The following PRKCE variants were observed in gnomAD, a reference collection of about 807,000 sequenced individuals.
PRKCE encodes protein kinase C epsilon.
A neutral mutation model predicts 85.4 loss-of-function variants in PRKCE; 16 were observed. The ratio of observed to expected loss-of-function variants is 0.19; its 90% CI spans 0.13 to 0.28. The LOEUF is 0.28. Among genes scored for constraint, PRKCE ranks in the 10% least tolerant of loss-of-function variants. PRKCE has a pLI of 1.00. For synonymous variants in PRKCE, 388 were observed against 371.5 expected (o/e 1.04, Z -0.51); for missense variants, 573 against 975.2 (o/e 0.59, Z 5.49).
intron 1 of PRKCE, among the ~76,000 whole-genome samples, chr2:45,779,274 C>T (rs1179794605): frequency 6.6e-6 from 1 of 152,200 alleles, no homozygotes; most frequent in African/African-American, 2.4e-5. Context: ...AGGAGAGACC[C>T]TTGCACACTG....
At chr2:46,084,995 A>T (rs1025025046) in intron 10 of PRKCE, among the ~76,000 whole-genome samples, 3 of 150,922 alleles carry the variant, frequency 2.0e-5, no homozygotes, top group Non-Finnish European at 4.4e-5. Flanking sequence ...CATGCATTCG[A>T]CTCTTATTTT....
chr2:45,843,585 C>T (rs1388670524), intron 2 of PRKCE, among the ~76,000 whole-genome samples: 2 of 152,208 alleles, frequency 1.3e-5, no homozygotes, highest in East Asian at 1.9e-4. Context: ...GATTAGATGG[C>T]GTATTACACC....
intron 10 of PRKCE, among the ~76,000 whole-genome samples, chr2:46,054,572 C>T (rs1666377712): frequency 6.6e-6 from 1 of 152,200 alleles, no homozygotes; most frequent in African/African-American, 2.4e-5. Flanking sequence ...TTTAGAATAA[C>T]TGCAACCCCA....
chr2:46,093,943 T>G (rs999419297), intron 11 of PRKCE, among the ~76,000 whole-genome samples: 4 of 152,150 alleles, frequency 2.6e-5, no homozygotes, highest in Non-Finnish European at 4.4e-5. Context: ...CTATAGTTAC[T>G]TTTCCTTCCC....
At chr2:45,761,153 T>C (rs139564101) in intron 1 of PRKCE, among the ~76,000 whole-genome samples, 5,393 of 151,814 alleles carry the variant, frequency 0.036, 134 homozygotes, top group African/African-American at 0.062. Flanking sequence ...CGGTGAAACC[T>C]CGTCTCTACT....
At chr2:46,171,682 G>A (rs149796808) in intron 14 of PRKCE, among the ~76,000 whole-genome samples, 1 of 152,324 alleles carries the variant, frequency 6.6e-6, no homozygotes, top group African/African-American at 2.4e-5. Flanking sequence ...TCTCCTCCCT[G>A]TGGAGTGGGT....
intron 1 of PRKCE, among the ~76,000 whole-genome samples, chr2:45,716,665 GAAA>G (rs1033717308): frequency 8.7e-5 from 11 of 126,962 alleles, no homozygotes; most frequent in East Asian, 2.5e-4. Flanking sequence ...AGAAGGAGAA[GAAA>G]AAGAAGAAGA....
At chr2:45,922,761 A>C (rs1698343913) in intron 2 of PRKCE, among the ~76,000 whole-genome samples, 1 of 152,160 alleles carries the variant, frequency 6.6e-6, no homozygotes, top group Non-Finnish European at 1.5e-5. Flanking sequence ...GGTTGCCTGG[A>C]GATTATCATG....
chr2:46,186,286 C>A lies in PRKCE; in HGVS notation c.*1405C>A, dbSNP rs576998364. Reference sequence around the variant, plus strand: ...TAGCAGGGAATGGAATCCATTCCAACTATTGCACGTGGATTTCCCAGCTGC... The same window carrying A: ...TAGCAGGGAATGGAATCCATTCCAAATATTGCACGTGGATTTCCCAGCTGC... On this transcript the variant is annotated 3_prime_UTR_variant, in exon 15 of 15. Transcript: ENST00000306156. 3 of 152,694 alleles carry A rather than the reference C, an allele frequency of 2.0e-5. No individual in the cohort carries two copies. The highest frequency in any genetic ancestry group is 6.5e-5 in the Admixed American group (1 of 15,288). 9.5% of individuals were successfully genotyped at this position (152,694 alleles called of 1,614,324 possible).
chr2:45,830,524 C>G (rs1375636367), intron 1 of PRKCE, among the ~76,000 whole-genome samples: 1 of 152,144 alleles, frequency 6.6e-6, no homozygotes, highest in Non-Finnish European at 1.5e-5. Context: ...ATCATTCCTA[C>G]TGGTCCAACA....
In PRKCE at chr2:45,673,058, A is replaced by G. The variant is rs1056328687; in HGVS notation, c.348+20610A>G. Among the ~76,000 whole-genome samples, 14 of 152,224 alleles carry G rather than the reference A, an allele frequency of 9.2e-5. 2 individuals are homozygous for G. The East Asian group carries it at 1.9e-3, about 21-fold the overall frequency. ...TCTAATAAAAACAAACAAACAAACC[A>G]AAAACCACAGTGAGAGATTTTTTTT... is the stretch of plus-strand genomic sequence containing the variant. On this transcript the variant is annotated intron_variant, in intron 1 of 14. Coordinates refer to ENST00000306156, the MANE Select transcript of PRKCE (RefSeq NM_005400.3).
intron 2 of PRKCE, among the ~76,000 whole-genome samples, chr2:45,974,438 G>A (rs1469935372): frequency 6.6e-6 from 1 of 152,176 alleles, no homozygotes; most frequent in Non-Finnish European, 1.5e-5. Flanking sequence ...TGGGCTAGGG[G>A]TCAAGAAGCA....
At chr2:46,064,257 G>C (rs1178065185) in intron 10 of PRKCE, among the ~76,000 whole-genome samples, 1 of 148,686 alleles carries the variant, frequency 6.7e-6, no homozygotes, top group Non-Finnish European at 1.5e-5. Flanking sequence ...ATTCCACCTG[G>C]GTGACAGAGT....
intron 11 of PRKCE, among the ~76,000 whole-genome samples, chr2:46,104,985 C>T (rs1297789800): frequency 6.6e-6 from 1 of 151,878 alleles, no homozygotes; most frequent in African/African-American, 2.4e-5. Flanking sequence ...TGGTTCTCTT[C>T]CTTACTAATA....
At chr2:45,701,828 C>T (rs1266571234) in intron 1 of PRKCE, among the ~76,000 whole-genome samples, 2 of 152,150 alleles carry the variant, frequency 1.3e-5, no homozygotes, top group African/African-American at 4.8e-5. Context: ...CTTAGAGACA[C>T]CGACGAGTCT....
At chr2:45,974,045 A>G (rs1868391) in intron 2 of PRKCE, among the ~76,000 whole-genome samples, 123,698 of 152,192 alleles carry the variant, frequency 0.81, 50,861 homozygotes, top group East Asian at 0.97. Context: ...CCTGTGTCCT[A>G]TGATGCCCAG....
Position 45,677,682 on chromosome 2 carries a change from A to G in PRKCE, c.348+25234A>G, listed in dbSNP as rs115258064. 3.5e-3 allele frequency: 580 copies of G among 167,492 alleles called. 8 individuals carry two copies. The highest frequency in any genetic ancestry group is 0.012 in the African/African-American group (506 of 41,790). 10.4% of individuals were successfully genotyped at this position (167,492 alleles called of 1,614,324 possible). On this transcript the variant is annotated intron_variant, in intron 1 of 14. Coordinates refer to ENST00000306156, the MANE Select transcript of PRKCE (RefSeq NM_005400.3). The stretch of plus-strand genomic sequence containing the variant: ...GATTCAAATTGTATCACCCTGTGGG[A>G]TGGACTAGACATGGATTAGAACATT...
intron 2 of PRKCE, among the ~76,000 whole-genome samples, chr2:45,956,072 C>A (rs1700956392): frequency 6.6e-6 from 1 of 152,094 alleles, no homozygotes; most frequent in African/African-American, 2.4e-5. Flanking sequence ...ATATGTGTAG[C>A]CTTTTGAGTT....
In PRKCE at chr2:45,981,323, G is replaced by A. The variant is rs369419740; in HGVS notation, c.693+942G>A. 6.4e-4 allele frequency among the ~76,000 whole-genome samples: 97 copies of A among 152,286 alleles called. 1 individual carries two copies. Among genetic ancestry groups the A allele is most frequent in the African/African-American group, 2.3e-3 (95 of 41,554 alleles). On this transcript the variant is annotated intron_variant, in intron 5 of 14. Transcript: ENST00000306156. ...TGTAGTCATAGGCTATTAGAATCGCGGGTTAGAGAGAAAGGCCTTGGGTAG... is the reference window on the plus strand; with the variant it reads ...TGTAGTCATAGGCTATTAGAATCGCAGGTTAGAGAGAAAGGCCTTGGGTAG...
Sources: gnomAD v4.1 joint callset for allele counts (sites outside exome capture counted in the v4.1 genomes callset) on GRCh38, gnomAD v4.1.1 for gene constraint, MANE v1.5 for transcripts, NCBI Gene and HGNC (gene_info 2026-07-23, HGNC 2026-07-21) for gene names.